The following TOP3A variants were observed in gnomAD, a reference collection of about 807,000 sequenced individuals.
TOP3A encodes DNA topoisomerase 3-alpha.
In TOP3A, 64 loss-of-function variants were observed where a neutral mutation model predicts 111.3. That is an observed-to-expected ratio of 0.57 (90% confidence interval 0.47 to 0.71). The LOEUF (loss-of-function observed/expected upper bound fraction) is 0.71, where lower values mean the gene tolerates loss of function less well. TOP3A is among the 30% of genes least tolerant of loss of function. The pLI is 0.00. For synonymous variants in TOP3A, 484 were observed against 485.1 expected (o/e 1.00, Z 0.03); for missense variants, 1,104 against 1,285.0 (o/e 0.86, Z 2.15).
At chr17:18,312,524 C>G (rs1055059517) in intron 1 of TOP3A, 24 of 162,318 alleles carry the variant, frequency 1.5e-4, no homozygotes, top group Admixed American at 1.3e-4. Flanking sequence ...TCTGGCTAAG[C>G]TGGTGGGACA....
At chr17:18,282,303 AAAG>A (rs1979809543) in intron 16 of TOP3A, among the ~76,000 whole-genome samples, 2 of 152,184 alleles carry the variant, frequency 1.3e-5, no homozygotes, top group Admixed American at 1.3e-4. Flanking sequence ...ACATTTTATA[AAAG>A]AAGAAATTGG....
At position 18,301,919 on chromosome 17, in the gene TOP3A, G is replaced by A. The variant is rs182958315; in HGVS notation, c.881C>T (p.Thr294Met). 1.2e-5 allele frequency: 19 copies of A among 1,614,050 alleles called. No individual in the cohort carries two copies. In the Admixed American group the frequency reaches 1.3e-4, roughly 11 times the overall value. Reference sequence around the variant, plus strand: ...CAACTGATAGAGAACTAGGCAAGCCGTGTGGTTAAAGAGTCGATGCCTTTT... The same window carrying A: ...CAACTGATAGAGAACTAGGCAAGCCATGTGGTTAAAGAGTCGATGCCTTTT... ...NWKRHRLFNH[T>M]ACLVLYQLCV... The change falls in exon 8 of 19, where the codon ACG (threonine) becomes ATG (methionine). Residue 294 changes from threonine (T) to methionine (M), a missense_variant. Physicochemically the swap from Thr to Met is moderately conservative, Grantham distance 81. Transcript: ENST00000321105.
chr17:18,305,345 G>GA, intron 4 of TOP3A, 125 bp from the exon 5 acceptor site: 1 of 766,788 alleles, frequency 1.3e-6, no homozygotes, highest in South Asian at 1.6e-5. Flanking sequence ...CTTGGCAAGG[G>GA]AAAGAGAACA....
chr17:18,296,537 G>T (rs1409572316), intron 9 of TOP3A, among the ~76,000 whole-genome samples: 1 of 152,090 alleles, frequency 6.6e-6, no homozygotes, highest in Admixed American at 6.5e-5. Context: ...CCAAGATCAC[G>T]CCACTGCACT....
intron 2 of TOP3A, 67 bp downstream of exon 2, chr17:18,308,815 A>G (rs1981742048): frequency 2.8e-6 from 3 of 1,057,926 alleles, no homozygotes; most frequent in Admixed American, 2.4e-5. Flanking sequence ...CATATTCTAC[A>G]TATGACGAGG....
Position 18,291,043 on chromosome 17 carries a change from GA to G in TOP3A, c.1282-17del. Reference sequence around the variant, plus strand: ...GTTCATCTCCCTAGGAAGAAAAGAGGAGTACGAAACTCCCCCTAGAATATCA... The same window carrying G: ...GTTCATCTCCCTAGGAAGAAAAGAGGGTACGAAACTCCCCCTAGAATATCA... On this transcript the variant is annotated splice_polypyrimidine_tract_variant and intron_variant, in intron 11 of 18. Coordinates refer to ENST00000321105, the MANE Select transcript of TOP3A (RefSeq NM_004618.5). 3 of 1,612,612 alleles carry G rather than the reference GA, an allele frequency of 1.9e-6. No individual in the cohort carries two copies. The highest frequency in any genetic ancestry group is 2.5e-6 in the Non-Finnish European group (3 of 1,179,154).
At chr17:18,294,835 G>T in intron 9 of TOP3A, 50 bp from the exon 10 acceptor site, 1 of 1,260,156 alleles carries the variant, frequency 7.9e-7, no homozygotes, top group Non-Finnish European at 1.2e-6. Flanking sequence ...GGGTCAGGCA[G>T]CACAACTCAA....
chr17:18,273,979 C>T lies in TOP3A; in HGVS notation c.*823G>A, dbSNP rs1434621244. 2.6e-5 allele frequency: 4 copies of T among 152,044 alleles called. No individual in the cohort carries two copies. The highest frequency in any genetic ancestry group is 9.7e-5 in the African/African-American group (4 of 41,380). The allele number at this position is 152,044 out of a possible 1,614,324, so 9.4% of individuals were successfully genotyped here. On this transcript the variant is annotated 3_prime_UTR_variant, in exon 19 of 19. Transcript: ENST00000321105. Reference sequence around the variant, plus strand: ...TTAAATTTTTTTTGAGACTGAGTCTCGCTCTGTCGTCCAGTGGCGCAATCT... The same window carrying T: ...TTAAATTTTTTTTGAGACTGAGTCTTGCTCTGTCGTCCAGTGGCGCAATCT...
In TOP3A at chr17:18,306,904, A is replaced by C. The variant is rs780215195; in HGVS notation, c.377T>G (p.Phe126Cys). 6.2e-6 allele frequency: 10 copies of C among 1,613,064 alleles called. No homozygotes were observed. The Admixed American group carries it at 1.7e-4, about 27-fold the overall frequency. ...AEIEKYCPEN[F>C]VDIKKTLERE... ...AAAAGACCCTACCTTGATGTCTACA[A>C]AATTCTCTGGGCAGTACTTTTCAAT... Residue 126 changes from phenylalanine (F) to cysteine (C), a missense_variant, in exon 4 of 19, where the codon TTT (phenylalanine) becomes TGT (cysteine). Coordinates refer to ENST00000321105, the MANE Select transcript of TOP3A (RefSeq NM_004618.5).
chr17:18,278,924 G>A (rs1196601534), intron 17 of TOP3A, among the ~76,000 whole-genome samples: 2 of 152,178 alleles, frequency 1.3e-5, no homozygotes, highest in Admixed American at 6.5e-5. Flanking sequence ...GTTGCAGTGA[G>A]CCAAGATTGT....
intron 18 of TOP3A, among the ~76,000 whole-genome samples, chr17:18,275,684 G>T (rs1979318695): frequency 8.0e-6 from 1 of 125,344 alleles, no homozygotes; most frequent in South Asian, 2.7e-4. Context: ...GGTGGAGTCT[G>T]GCTCTGTCGC....
intron 9 of TOP3A, among the ~76,000 whole-genome samples, chr17:18,295,007 G>C (rs1198347693): frequency 6.6e-6 from 1 of 152,202 alleles, no homozygotes; most frequent in Non-Finnish European, 1.5e-5. Context: ...ACTCAACTGG[G>C]AAGCCAGCAG....
At chr17:18,289,270 C>T (rs549235549) in intron 13 of TOP3A, among the ~76,000 whole-genome samples, 6 of 152,260 alleles carry the variant, frequency 3.9e-5, no homozygotes, top group South Asian at 4.1e-4. Flanking sequence ...CCGCCTTGGC[C>T]TCCCAAAGTA....
At chr17:18,312,577 T>G (rs895036636) in intron 1 of TOP3A, 1 of 178,762 alleles carries the variant, frequency 5.6e-6, no homozygotes, top group Non-Finnish European at 1.2e-5. Context: ...GGGGAGGCAA[T>G]GCCCTGGGTC....
chr17:18,292,433 G>A (rs1980534417), intron 11 of TOP3A, among the ~76,000 whole-genome samples: 1 of 152,232 alleles, frequency 6.6e-6, no homozygotes, highest in Non-Finnish European at 1.5e-5. Context: ...AGCTGATGGA[G>A]AGTGGGATGT....
At chr17:18,297,704 C>T (rs1489775596) in intron 9 of TOP3A, among the ~76,000 whole-genome samples, 21 of 152,024 alleles carry the variant, frequency 1.4e-4, no homozygotes, top group Non-Finnish European at 7.4e-5. Flanking sequence ...GGATTGCAGA[C>T]GGAGTCTCGT....
chr17:18,307,058 T>C, intron 3 of TOP3A, 92 bp from the exon 4 acceptor site: 1 of 857,692 alleles, frequency 1.2e-6, no homozygotes, highest in Non-Finnish European at 1.8e-6. Context: ...GGGTTCATGG[T>C]GTATCCCCAA....
intron 5 of TOP3A, chr17:18,303,031 T>C: frequency 3.5e-6 from 1 of 282,600 alleles, no homozygotes; most frequent in South Asian, 4.9e-5. Flanking sequence ...AGAAACTCCA[T>C]TTTGATCTGT....
Position 18,297,438 on chromosome 17 carries a change from G to GTCCCTCTCCCCACGGTC in TOP3A, c.990+2120_990+2121insGACCGTGGGGAGAGGGA, listed in dbSNP as rs1555571029. On this transcript the variant is annotated intron_variant, in intron 9 of 18. Transcript: ENST00000321105. ...GAAACTGCGCCCTGTCCCTGTCCCT[G>GTCCCTCTCCCCACGGTC]TCCCTCTCCCTCTCCCCACGGTCTC... is the stretch of plus-strand genomic sequence containing the variant. Among the ~76,000 whole-genome samples the GTCCCTCTCCCCACGGTC allele has an allele frequency of 1.7e-3, 244 of 145,994 alleles. 1 individual carries two copies. Among genetic ancestry groups the GTCCCTCTCCCCACGGTC allele is most frequent in the East Asian group, 0.011 (56 of 5,100 alleles).
Sources: allele counts gnomAD v4.1 joint callset (sites outside exome capture counted in the v4.1 genomes callset), GRCh38; gene constraint gnomAD v4.1.1; transcripts MANE v1.5; gene names NCBI Gene and HGNC (gene_info 2026-07-23, HGNC 2026-07-21).